ATP9A: variants seen among roughly 807,000 people sequenced by gnomAD.
ATP9A encodes probable phospholipid-transporting ATPase IIA.
A neutral mutation model predicts 144.1 loss-of-function variants in ATP9A; 52 were observed. The ratio of observed to expected loss-of-function variants is 0.36; its 90% confidence interval spans 0.29 to 0.45. The LOEUF (loss-of-function observed/expected upper bound fraction) is 0.45, where lower values mean the gene tolerates loss of function less well. Ranked by LOEUF, ATP9A falls within the 20% of genes least tolerant of loss-of-function variation. ATP9A has a pLI of 1.00. For missense variants in ATP9A, 947 were observed against 1,392.7 expected, an observed-to-expected ratio of 0.68 and a Z score of 5.09; for synonymous variants, 582 against 557.4, an observed-to-expected ratio of 1.04 and a Z score of -0.62.
rs557917049 is a variant in ATP9A, at chr20:51,625,354, G to A, written c.1854C>T (p.Tyr618=). ...EEQYQDFEAR[Y]VQAKLSVHDR... ...CGTGCACACTCAGCTTGGCCTGGACGTAGCGGGCCTGGGACACACCAGCAG... is the reference window on the plus strand; with the variant it reads ...CGTGCACACTCAGCTTGGCCTGGACATAGCGGGCCTGGGACACACCAGCAG... Residue 618 remains tyrosine (Y), a synonymous_variant, in exon 18 of 28, where the codon TAC becomes TAT. Coordinates refer to ENST00000338821, the MANE Select transcript of ATP9A (RefSeq NM_006045.3). 3.7e-6 allele frequency: 6 copies of A among 1,613,504 alleles called. No individual in the cohort carries two copies. The highest frequency in any genetic ancestry group is 4.5e-5 in the East Asian group (2 of 44,860).
At chr20:51,713,726 A>G (rs2077649745) in intron 3 of ATP9A, among the ~76,000 whole-genome samples, 1 of 152,216 alleles carries the variant, frequency 6.6e-6, no homozygotes, top group African/African-American at 2.4e-5. Context: ...AGCCAAGTGG[A>G]AAAAATCCAT....
At chr20:51,727,557 G>A (rs539940139) in intron 2 of ATP9A, among the ~76,000 whole-genome samples, 3 of 152,088 alleles carry the variant, frequency 2.0e-5, no homozygotes, top group East Asian at 3.9e-4. Context: ...CTGCACTCTC[G>A]CCTGGGTGAC....
chr20:51,732,428 G>C (rs1249515109), intron 1 of ATP9A: 1 of 152,242 alleles, frequency 6.6e-6, no homozygotes, highest in Non-Finnish European at 1.5e-5. Flanking sequence ...CCACAGAGCA[G>C]GTCCTGGTGG....
At chr20:51,750,462 C>T (rs1379823013) in intron 1 of ATP9A, among the ~76,000 whole-genome samples, 1 of 152,206 alleles carries the variant, frequency 6.6e-6, no homozygotes, top group Non-Finnish European at 1.5e-5. Context: ...TGGCTGGCAA[C>T]CCCACACAGC....
chr20:51,673,416 A>G (rs1055823020), intron 11 of ATP9A, among the ~76,000 whole-genome samples: 1 of 152,080 alleles, frequency 6.6e-6, no homozygotes, highest in Non-Finnish European at 1.5e-5. Flanking sequence ...TCAACCTCCA[A>G]ATCAGGTAGG....
intron 5 of ATP9A, 39 bp downstream of exon 5, chr20:51,697,385 G>T: frequency 1.3e-6 from 2 of 1,590,312 alleles, no homozygotes; most frequent in South Asian, 1.1e-5. Flanking sequence ...TAGGACCCAT[G>T]AAGTGGTATC....
At chr20:51,618,842 G>A (rs762028592) in intron 20 of ATP9A, 36 bp from the exon 21 acceptor site, 1 of 1,581,088 alleles carries the variant, frequency 6.3e-7, no homozygotes, top group Non-Finnish European at 8.6e-7. Context: ...CGTTGGTGGA[G>A]GGAGAGGTGG....
intron 4 of ATP9A, among the ~76,000 whole-genome samples, chr20:51,711,900 G>A: frequency 7.2e-6 from 1 of 139,708 alleles, no homozygotes; most frequent in Non-Finnish European, 1.5e-5. Flanking sequence ...TCGTCACCCA[G>A]GCTGGAGTGC....
chr20:51,751,406 T>C (rs982473304), intron 1 of ATP9A, among the ~76,000 whole-genome samples: 1 of 151,200 alleles, frequency 6.6e-6, no homozygotes. Context: ...ACCACAAACA[T>C]GCAATACCAT....
intron 4 of ATP9A, among the ~76,000 whole-genome samples, chr20:51,702,288 T>C (rs1418400187): frequency 8.8e-6 from 1 of 113,486 alleles, no homozygotes; most frequent in Non-Finnish European, 1.8e-5. Flanking sequence ...CAAGACTCTG[T>C]CTCAAAAAAA....
intron 27 of ATP9A, among the ~76,000 whole-genome samples, chr20:51,603,355 C>T (rs529827034): frequency 2.0e-4 from 30 of 152,244 alleles, no homozygotes; most frequent in South Asian, 4.1e-4. Context: ...TTGCCCCGTG[C>T]GGGGGAAACC....
rs531990344 is a variant in ATP9A at position 51,683,251 on chromosome 20, C to CGTTT, written c.799+5809_799+5812dup. Among the ~76,000 whole-genome samples the CGTTT allele has an allele frequency of 2.2e-3, 336 of 151,922 alleles. 2 individuals carry two copies. Among genetic ancestry groups the CGTTT allele is most frequent in the African/African-American group, 7.8e-3 (324 of 41,466 alleles). On this transcript the variant is annotated intron_variant, in intron 9 of 27. Coordinates refer to ENST00000338821, the MANE Select transcript of ATP9A (RefSeq NM_006045.3). ...AAAGGCACACAACACAACACCTGGACGTTTGTTTGTTTGTTTGTTTTTATT... is the reference window on the plus strand; with the variant it reads ...AAAGGCACACAACACAACACCTGGACGTTTGTTTGTTTGTTTGTTTGTTTTTATT...
chr20:51,760,491 C>T (rs536417404), intron 1 of ATP9A, among the ~76,000 whole-genome samples: 2 of 152,142 alleles, frequency 1.3e-5, no homozygotes, highest in South Asian at 2.1e-4. Context: ...CTTTGGGAGG[C>T]CAAGGCAGGC....
chr20:51,702,588 A>T (rs1185501204), intron 4 of ATP9A, among the ~76,000 whole-genome samples: 4 of 152,034 alleles, frequency 2.6e-5, no homozygotes, highest in Non-Finnish European at 4.4e-5. Flanking sequence ...AGGAGCTCTC[A>T]AGTTGGTAGG....
At chr20:51,624,338 G>A (rs1412275631) in intron 18 of ATP9A, among the ~76,000 whole-genome samples, 1 of 152,136 alleles carries the variant, frequency 6.6e-6, no homozygotes, top group Non-Finnish European at 1.5e-5. Flanking sequence ...GCCGGTGGCA[G>A]GCACACGTTT....
intron 3 of ATP9A, among the ~76,000 whole-genome samples, chr20:51,717,645 G>A (rs1030828324): frequency 1.3e-5 from 2 of 152,096 alleles, no homozygotes; most frequent in African/African-American, 4.8e-5. Flanking sequence ...GAAGGCCTCA[G>A]TGGAAATAAA....
At chr20:51,758,664 T>C (rs2077866391) in intron 1 of ATP9A, among the ~76,000 whole-genome samples, 1 of 152,164 alleles carries the variant, frequency 6.6e-6, no homozygotes, top group Non-Finnish European at 1.5e-5. Context: ...CAGTGGCTTA[T>C]GCTTGTAATC....
intron 1 of ATP9A, among the ~76,000 whole-genome samples, chr20:51,762,519 C>T (rs890436639): frequency 4.7e-5 from 7 of 150,324 alleles, no homozygotes; most frequent in African/African-American, 1.7e-4. Flanking sequence ...ATTAGCTGGG[C>T]GTGGCGGCGG....
chr20:51,696,811 C>A (rs2077572585), intron 5 of ATP9A, among the ~76,000 whole-genome samples: 1 of 152,136 alleles, frequency 6.6e-6, no homozygotes, highest in South Asian at 2.1e-4. Flanking sequence ...TAAGACACAA[C>A]CCTTTTCTAA....
Sources: allele counts gnomAD v4.1 joint callset (sites outside exome capture counted in the v4.1 genomes callset), GRCh38; gene constraint gnomAD v4.1.1; transcripts MANE v1.5; gene names NCBI Gene and HGNC (gene_info 2026-07-23, HGNC 2026-07-21).